ACER3: variants seen among roughly 807,000 people sequenced by gnomAD.
ACER3 encodes alkaline ceramidase 3, also known as alkCDase 3.
In ACER3, 16 loss-of-function variants were observed where a neutral mutation model predicts 48.9. That is an observed-to-expected ratio of 0.33 (90% CI 0.22 to 0.50). The LOEUF (loss-of-function observed/expected upper bound fraction) is 0.50, where lower values mean the gene tolerates loss of function less well. Ranked by LOEUF, ACER3 falls within the 20% of genes least tolerant of loss-of-function variation. The pLI is 0.98. For synonymous variants in ACER3, 109 were observed against 107.8 expected (o/e 1.01, Z -0.07); for missense variants, 227 against 326.0 (o/e 0.70, Z 2.34).
At chr11:76,921,185 T>C (rs1946677127) in intron 1 of ACER3, among the ~76,000 whole-genome samples, 1 of 152,216 alleles carries the variant, frequency 6.6e-6, no homozygotes, top group African/African-American at 2.4e-5. Flanking sequence ...TTTCATGTCC[T>C]ACTGAAAAAA....
chr11:76,992,446 C>T (rs1948823355), intron 6 of ACER3, among the ~76,000 whole-genome samples: 1 of 152,114 alleles, frequency 6.6e-6, no homozygotes, highest in African/African-American at 2.4e-5. Context: ...TACCCCGGTG[C>T]AATATCCATG....
At chr11:76,915,431 C>G (rs992905965) in intron 1 of ACER3, among the ~76,000 whole-genome samples, 1 of 151,838 alleles carries the variant, frequency 6.6e-6, no homozygotes. Context: ...TCTGGTGGAG[C>G]GTACCCACCC....
At chr11:76,861,174 G>A in intron 1 of ACER3, 95 bp downstream of exon 1, 1 of 1,246,614 alleles carries the variant, frequency 8.0e-7, no homozygotes, top group Non-Finnish European at 1.1e-6. Flanking sequence ...GGCCGCGAAG[G>A]GAGGTGCCAG....
rs1555024447 is a variant in ACER3 at position 77,021,402 on chromosome 11, C to T, written c.*1075C>T. 6.6e-6 allele frequency: 1 copy of T among 152,136 alleles called. No homozygotes were observed. The highest frequency in any genetic ancestry group is 1.5e-5 in the Non-Finnish European group (1 of 68,014). 9.4% of individuals were successfully genotyped at this position (152,136 alleles called of 1,614,324 possible). On this transcript the variant is annotated 3_prime_UTR_variant, in exon 11 of 11. Coordinates refer to ENST00000532485, the MANE Select transcript of ACER3 (RefSeq NM_018367.7). ...TGCTACTTGAAACCTACAGAACCGA[C>T]AAAAATTAGGGTGCTAAAAAAATGA...
chr11:76,879,310 A>G (rs1481340206), intron 1 of ACER3, among the ~76,000 whole-genome samples: 2 of 152,198 alleles, frequency 1.3e-5, no homozygotes, highest in Admixed American at 6.5e-5. Flanking sequence ...GGTGTAAGGT[A>G]GGGATTGAAG....
chr11:76,920,896 T>C (rs1946671148), intron 1 of ACER3, among the ~76,000 whole-genome samples: 1 of 152,134 alleles, frequency 6.6e-6, no homozygotes, highest in Admixed American at 6.6e-5. Flanking sequence ...CCCTTGGCTT[T>C]CCAAAGTGCT....
intron 1 of ACER3, among the ~76,000 whole-genome samples, chr11:76,920,236 G>C (rs571004012): frequency 6.6e-6 from 1 of 152,260 alleles, no homozygotes; most frequent in East Asian, 1.9e-4. Context: ...GCAGAACGTG[G>C]CTGTCAGCAG....
chr11:76,863,132 T>C (rs1038149303), intron 1 of ACER3, among the ~76,000 whole-genome samples: 4 of 152,068 alleles, frequency 2.6e-5, no homozygotes, highest in African/African-American at 9.7e-5. Context: ...GAGACTGAGG[T>C]GGGAAGATCA....
chr11:77,010,391 T>C (rs1215025347), intron 7 of ACER3, among the ~76,000 whole-genome samples: 4 of 149,888 alleles, frequency 2.7e-5, no homozygotes, highest in Non-Finnish European at 5.9e-5. Flanking sequence ...AATTGAAGTG[T>C]TTAAAAGATA....
At chr11:76,884,095 C>T (rs973366862) in intron 1 of ACER3, among the ~76,000 whole-genome samples, 1 of 152,168 alleles carries the variant, frequency 6.6e-6, no homozygotes, top group Non-Finnish European at 1.5e-5. Flanking sequence ...GTTTACAGCT[C>T]TATAGTAGTT....
At chr11:76,869,192 C>G (rs1945177889) in intron 1 of ACER3, among the ~76,000 whole-genome samples, 1 of 152,124 alleles carries the variant, frequency 6.6e-6, no homozygotes. Context: ...AATTGGAGGA[C>G]ACCCAGCTGG....
intron 1 of ACER3, among the ~76,000 whole-genome samples, chr11:76,913,443 G>T (rs1049068959): frequency 5.3e-5 from 8 of 152,308 alleles, no homozygotes; most frequent in African/African-American, 1.9e-4. Context: ...TCCTTGTCTT[G>T]TGCCAGTTTT....
At chr11:77,001,486 G>C (rs1403250907) in intron 7 of ACER3, among the ~76,000 whole-genome samples, 1 of 152,102 alleles carries the variant, frequency 6.6e-6, no homozygotes, top group Non-Finnish European at 1.5e-5. Flanking sequence ...TCAAACTCCT[G>C]ACCATGTGAT....
intron 1 of ACER3, among the ~76,000 whole-genome samples, chr11:76,867,510 G>A (rs977883038): frequency 6.4e-5 from 9 of 141,022 alleles, no homozygotes; most frequent in South Asian, 4.3e-4. Flanking sequence ...AAGAAAAGTA[G>A]CTGAGAGGGC....
At chr11:76,934,750 G>C (rs140736549) in intron 2 of ACER3, among the ~76,000 whole-genome samples, 1 of 143,654 alleles carries the variant, frequency 7.0e-6, no homozygotes, top group Non-Finnish European at 1.5e-5. Context: ...GAGGGAGACC[G>C]TGGGGAGACG....
chr11:77,005,991 A>ATTTTTT (rs1228374444), intron 7 of ACER3, among the ~76,000 whole-genome samples: 1 of 100,894 alleles, frequency 9.9e-6, no homozygotes, highest in African/African-American at 4.0e-5. Context: ...ATATATATAT[A>ATTTTTT]TTTTTTTTTT....
At chr11:76,906,561 C>G (rs1471899344) in intron 1 of ACER3, among the ~76,000 whole-genome samples, 1 of 152,144 alleles carries the variant, frequency 6.6e-6, no homozygotes, top group Non-Finnish European at 1.5e-5. Context: ...TTCAGAGAGG[C>G]TAATTTGAGT....
At chr11:76,885,484 G>C (rs1172231727) in intron 1 of ACER3, among the ~76,000 whole-genome samples, 1 of 152,092 alleles carries the variant, frequency 6.6e-6, no homozygotes, top group Non-Finnish European at 1.5e-5. Context: ...CAGTTTCCTA[G>C]AAACAGGATG....
intron 2 of ACER3, among the ~76,000 whole-genome samples, chr11:76,958,310 C>A (rs1465885360): frequency 6.6e-6 from 1 of 151,522 alleles, no homozygotes; most frequent in African/African-American, 2.4e-5. Context: ...CCTCAGCCTC[C>A]CGAGTAGCTG....
Sources: gnomAD v4.1 joint callset for allele counts (sites outside exome capture counted in the v4.1 genomes callset) on GRCh38, gnomAD v4.1.1 for gene constraint, MANE v1.5 for transcripts, NCBI Gene and HGNC (gene_info 2026-07-23, HGNC 2026-07-21) for gene names.